The following CLVS1 variants were observed in gnomAD, a reference collection of about 807,000 sequenced individuals.
CLVS1 encodes the protein clavesin-1.
CLVS1 carries 10 observed loss-of-function variants against 33.1 expected under a neutral mutation model. The observed-to-expected ratio is 0.30, with a 90% CI of 0.19 to 0.51. The LOEUF (loss-of-function observed/expected upper bound fraction) is 0.51, where lower values mean the gene tolerates loss of function less well. CLVS1 is among the 20% of genes least tolerant of loss of function. CLVS1 has a pLI of 0.97. For synonymous variants in CLVS1, 163 were observed against 166.1 expected (o/e 0.98, Z 0.14); for missense variants, 343 against 433.4 (o/e 0.79, Z 1.85).
chr8:61,344,631 C>G (rs113072779), intron 2 of CLVS1, among the ~76,000 whole-genome samples: 2,440 of 152,288 alleles, frequency 0.016, 17 homozygotes, highest in African/African-American at 0.02. Context: ...GTTTGTGCAG[C>G]TGTCCCTAAT....
intron 2 of CLVS1, among the ~76,000 whole-genome samples, chr8:61,161,940 G>C (rs1290632295): frequency 6.6e-6 from 1 of 151,792 alleles, no homozygotes; most frequent in Non-Finnish European, 1.5e-5. Flanking sequence ...CCTCAATAAA[G>C]CTGGAGAAAA....
chr8:61,053,344 G>A (rs1202993483), upstream of CLVS1, among the ~76,000 whole-genome samples: 4 of 152,186 alleles, frequency 2.6e-5, no homozygotes, highest in Non-Finnish European at 5.9e-5. Context: ...AGCATGAGGA[G>A]GTTGGAGTGA....
chr8:61,093,338 A>C (rs1285736790), intron 1 of CLVS1, among the ~76,000 whole-genome samples: 1 of 152,234 alleles, frequency 6.6e-6, no homozygotes, highest in African/African-American at 2.4e-5. Flanking sequence ...AACAATGGCT[A>C]GTGCAACAAT....
chr8:61,485,521 G>T (rs1226307814), intron 5 of CLVS1, among the ~76,000 whole-genome samples: 1 of 152,240 alleles, frequency 6.6e-6, no homozygotes, highest in East Asian at 1.9e-4. Context: ...TTCAACCATT[G>T]TGGAAGGCAG....
intron 5 of CLVS1, among the ~76,000 whole-genome samples, chr8:61,474,528 C>T (rs1240681129): frequency 2.0e-5 from 3 of 152,116 alleles, no homozygotes; most frequent in Admixed American, 6.5e-5. Flanking sequence ...TCATCTTCTT[C>T]TTCTTTTGTT....
the CLVS1 span, among the ~76,000 whole-genome samples, chr8:60,987,806 C>T: frequency 3.9e-5 from 6 of 152,066 alleles, no homozygotes; most frequent in Non-Finnish European, 8.8e-5. Flanking sequence ...GTGGCTCGAG[C>T]CTGTAGTCCC....
chr8:61,271,528 G>A (rs1034532179), intron 2 of CLVS1, among the ~76,000 whole-genome samples: 4 of 147,966 alleles, frequency 2.7e-5, no homozygotes, highest in Non-Finnish European at 5.9e-5. Flanking sequence ...ATGTCTATTA[G>A]GTCTGCTTGG....
At chr8:61,092,587 C>G (rs1805269667) in intron 1 of CLVS1, among the ~76,000 whole-genome samples, 1 of 152,188 alleles carries the variant, frequency 6.6e-6, no homozygotes, top group Non-Finnish European at 1.5e-5. Flanking sequence ...CTTTCCTTTT[C>G]CAGCCTTGAG....
chr8:61,140,823 C>T (rs1004036615), intron 2 of CLVS1, among the ~76,000 whole-genome samples: 7 of 152,164 alleles, frequency 4.6e-5, no homozygotes, highest in Non-Finnish European at 8.8e-5. Flanking sequence ...GCCTCGATCT[C>T]CCAAAGTACT....
rs1292210974 is a variant in CLVS1 at position 61,500,013 on chromosome 8, T to G, written c.*471T>G. ...TACAAAGCCCTGAGACAATAGTATCTCCAGTAATTTCCATTCTTACTGAAT... is the reference window on the plus strand; with the variant it reads ...TACAAAGCCCTGAGACAATAGTATCGCCAGTAATTTCCATTCTTACTGAAT... On this transcript the variant is annotated 3_prime_UTR_variant, in exon 6 of 6. Coordinates refer to ENST00000325897, the MANE Select transcript of CLVS1 (RefSeq NM_173519.3). The G allele has an allele frequency of 3.9e-5, 6 of 153,404 alleles. No individual in the cohort carries two copies. Among genetic ancestry groups the G allele is most frequent in the African/African-American group, 1.2e-4 (5 of 41,448 alleles). The allele number at this position is 153,404 out of a possible 1,614,324, so 9.5% of individuals were successfully genotyped here.
chr8:61,358,655 A>G (rs974099692), intron 2 of CLVS1, among the ~76,000 whole-genome samples: 2 of 152,232 alleles, frequency 1.3e-5, no homozygotes, highest in Non-Finnish European at 2.9e-5. Context: ...GAGGATTGAG[A>G]ACCCATCTTC....
intron 1 of CLVS1, among the ~76,000 whole-genome samples, chr8:61,073,706 ACT>A (rs1804843659): frequency 1.3e-5 from 2 of 152,246 alleles, no homozygotes; most frequent in Admixed American, 1.3e-4. Context: ...CTAATACAGT[ACT>A]GTTATAAAAA....
chr8:61,202,320 T>C (rs370894666), intron 2 of CLVS1: 2 of 691,028 alleles, frequency 2.9e-6, no homozygotes, highest in African/African-American at 1.8e-5. Context: ...TCGTCCGCCT[T>C]CTCTCCTACC....
intron 2 of CLVS1, among the ~76,000 whole-genome samples, chr8:61,230,327 G>T (rs531245462): frequency 1.3e-5 from 2 of 152,282 alleles, no homozygotes; most frequent in South Asian, 4.1e-4. Context: ...ACCTTGGACT[G>T]CCCAGTTCTA....
At chr8:61,277,534 C>T (rs1585742990) in intron 2 of CLVS1, among the ~76,000 whole-genome samples, 2 of 152,286 alleles carry the variant, frequency 1.3e-5, no homozygotes, top group African/African-American at 4.8e-5. Context: ...GAGGCTCTGT[C>T]TTTACTCTAT....
chr8:60,995,049 C>A, the CLVS1 span, among the ~76,000 whole-genome samples: 38 of 151,986 alleles, frequency 2.5e-4, no homozygotes, highest in African/African-American at 8.7e-4. Context: ...AGACCTAAAA[C>A]CATAAAAACC....
the CLVS1 span, among the ~76,000 whole-genome samples, chr8:60,990,230 G>A: frequency 6.6e-6 from 1 of 150,990 alleles, no homozygotes; most frequent in Non-Finnish European, 1.5e-5. Flanking sequence ...GTGGATTTGT[G>A]TGGCTCCTGC....
chr8:61,266,391 C>A (rs1223478345), intron 2 of CLVS1, among the ~76,000 whole-genome samples: 2 of 151,696 alleles, frequency 1.3e-5, no homozygotes, highest in Non-Finnish European at 1.5e-5. Flanking sequence ...GCTTGTTAAC[C>A]AGATTTGGTT....
At chr8:61,393,373 A>G (rs1176992996) in intron 3 of CLVS1, among the ~76,000 whole-genome samples, 1 of 152,092 alleles carries the variant, frequency 6.6e-6, no homozygotes, top group Non-Finnish European at 1.5e-5. Context: ...TGAGTAGCTT[A>G]ATAATCAACC....
Sources: allele counts gnomAD v4.1 joint callset (sites outside exome capture counted in the v4.1 genomes callset), GRCh38; gene constraint gnomAD v4.1.1; transcripts MANE v1.5; gene names NCBI Gene and HGNC (gene_info 2026-07-23, HGNC 2026-07-21).